The following NPEPPS variants were observed in gnomAD, a reference collection of about 807,000 sequenced individuals.
The protein encoded by NPEPPS is puromycin-sensitive aminopeptidase.
Under a neutral mutation model 115.5 loss-of-function variants are expected in NPEPPS, and 14 were observed. The observed-to-expected ratio is 0.12, with a 90% CI of 0.08 to 0.19. The LOEUF (loss-of-function observed/expected upper bound fraction) is 0.19. Ranked by LOEUF, NPEPPS falls within the 10% of genes least tolerant of loss-of-function variation. The pLI is 1.00. For missense variants in NPEPPS, 523 were observed against 1,110.8 expected, an observed-to-expected ratio of 0.47 and a Z score of 7.52; for synonymous variants, 285 against 390.6, an observed-to-expected ratio of 0.73 and a Z score of 3.19.
chr17:47,525,078 T>C (rs2055945208), intron 1 of NPEPPS, among the ~76,000 whole-genome samples: 1 of 151,926 alleles, frequency 6.6e-6, no homozygotes, highest in Non-Finnish European at 1.5e-5. Flanking sequence ...GAAATGAATT[T>C]CCAAGGGCCC....
At chr17:47,590,547 G>A (rs1443459218) in intron 9 of NPEPPS, among the ~76,000 whole-genome samples, 170 bp from the exon 10 acceptor site, 1 of 151,876 alleles carries the variant, frequency 6.6e-6, no homozygotes, top group Non-Finnish European at 1.5e-5. Context: ...ATCTCTTTTA[G>A]TCTTCTCTCT....
At chr17:47,577,937 G>C (rs1373945017) in intron 3 of NPEPPS, among the ~76,000 whole-genome samples, 2 of 152,166 alleles carry the variant, frequency 1.3e-5, no homozygotes, top group African/African-American at 4.8e-5. Flanking sequence ...CAGGCACAGT[G>C]GCTCATGCCT....
intron 3 of NPEPPS, among the ~76,000 whole-genome samples, chr17:47,576,664 A>G (rs2143825192): frequency 6.6e-6 from 1 of 152,296 alleles, no homozygotes; most frequent in South Asian, 2.1e-4. Flanking sequence ...AGCTTTAAAC[A>G]TTTAAGGTTT....
chr17:47,547,383 G>A (rs1390158330), intron 2 of NPEPPS, among the ~76,000 whole-genome samples: 1 of 150,458 alleles, frequency 6.6e-6, no homozygotes, highest in African/African-American at 2.4e-5. Flanking sequence ...GTCTCGCTCT[G>A]TCACCCAGGC....
intron 13 of NPEPPS, among the ~76,000 whole-genome samples, chr17:47,597,984 A>G (rs1912978316): frequency 6.6e-6 from 1 of 152,192 alleles, no homozygotes; most frequent in South Asian, 2.1e-4. Context: ...GAATACCTGT[A>G]AGTTTAGTGA....
intron 2 of NPEPPS, among the ~76,000 whole-genome samples, chr17:47,547,605 C>A (rs551606339): frequency 1.5e-4 from 23 of 152,240 alleles, no homozygotes; most frequent in African/African-American, 5.5e-4. Flanking sequence ...GGGATCTGAC[C>A]TCTTCGGCCT....
intron 2 of NPEPPS, among the ~76,000 whole-genome samples, chr17:47,556,846 G>C (rs1219110854): frequency 6.6e-6 from 1 of 152,208 alleles, no homozygotes; most frequent in Non-Finnish European, 1.5e-5. Context: ...GTTTCCCCAC[G>C]TTGGCCAGGC....
chr17:47,603,025 A>G (rs919230059), intron 15 of NPEPPS, among the ~76,000 whole-genome samples: 5 of 152,196 alleles, frequency 3.3e-5, no homozygotes, highest in Non-Finnish European at 7.3e-5. Flanking sequence ...TTTACATATA[A>G]ATAGTAAAAT....
chr17:47,596,460 C>G lies in NPEPPS; in HGVS notation c.1534C>G (p.Gln512Glu). The G allele has an allele frequency of 6.5e-7, 1 of 1,545,416 alleles. No individual in the cohort carries two copies. Among genetic ancestry groups the G allele is most frequent in the Non-Finnish European group, 8.8e-7 (1 of 1,132,536 alleles). Residue 512 changes from glutamine to glutamate, a missense_variant and splice_region_variant, in exon 13 of 23, where the codon CAG becomes GAG. Gln to Glu is a conservative substitution (Grantham distance 29). Around this residue, in one of 4 missense-constraint regions of NPEPPS, gnomAD observed 372 missense variants for 542.6 expected, o/e 0.69. Coordinates refer to ENST00000322157, the MANE Select transcript of NPEPPS (RefSeq NM_006310.4). ...TCCCCTCATTTATGTGGAAGCTGAA[C>G]AGGTAAACATATAAAGTCTTTCCAT... is the stretch of plus-strand genomic sequence containing the variant. ...GFPLIYVEAE[Q>E]VEDDRLLRLS...
rs1484957571 is a variant in NPEPPS at position 47,555,126 on chromosome 17, A to AT, written c.340+9136dup. Among the ~76,000 whole-genome samples the AT allele has an allele frequency of 2.0e-5, 3 of 152,212 alleles. No individual in the cohort carries two copies. In the East Asian group the frequency reaches 5.8e-4, roughly 29 times the overall value. On this transcript the variant is annotated intron_variant, in intron 2 of 22. Coordinates refer to ENST00000322157, the MANE Select transcript of NPEPPS (RefSeq NM_006310.4). ...TATTAACTTTATGGGTAACAAAATT[A>AT]TTTCGTATTTGAGATTATTTTGTTA...
At chr17:47,535,833 T>A (rs1370289569) in intron 1 of NPEPPS, among the ~76,000 whole-genome samples, 3 of 94,070 alleles carry the variant, frequency 3.2e-5, no homozygotes, top group Non-Finnish European at 6.9e-5. Flanking sequence ...TTGGGTATTC[T>A]TTTTTTTTTT....
chr17:47,552,922 A>G (rs1485648525), intron 2 of NPEPPS, among the ~76,000 whole-genome samples: 1 of 152,164 alleles, frequency 6.6e-6, no homozygotes, highest in African/African-American at 2.4e-5. Context: ...AGGTAATAAA[A>G]CTGATAAATG....
intron 17 of NPEPPS, among the ~76,000 whole-genome samples, chr17:47,606,780 TATTCTAAG>T (rs1913545613): frequency 6.6e-6 from 1 of 152,262 alleles, no homozygotes; most frequent in South Asian, 2.1e-4. Context: ...TGCCATATAC[TATTCTAAG>T]AGCTGGTGAA....
At chr17:47,613,535 G>C in intron 18 of NPEPPS, 134 bp from the exon 19 acceptor site, 2 of 667,826 alleles carry the variant, frequency 3.0e-6, no homozygotes, top group East Asian at 3.0e-5. Context: ...CCAAAGTGCA[G>C]GGATTACAGG....
At chr17:47,611,440 C>G (rs937941880) in intron 17 of NPEPPS, among the ~76,000 whole-genome samples, 1 of 142,554 alleles carries the variant, frequency 7.0e-6, no homozygotes, top group Non-Finnish European at 1.5e-5. Flanking sequence ...GCTTGGGCAA[C>G]AGAGCGAGAC....
chr17:47,592,753 T>C, intron 12 of NPEPPS: 1 of 478,604 alleles, frequency 2.1e-6, no homozygotes, highest in Non-Finnish European at 3.8e-6. Context: ...TTTTCTTTCC[T>C]TTCTTTCTTT....
intron 13 of NPEPPS, among the ~76,000 whole-genome samples, chr17:47,599,465 TA>T (rs1434130087): frequency 2.6e-5 from 4 of 152,226 alleles, no homozygotes; most frequent in African/African-American, 7.2e-5. Flanking sequence ...CACATGTACT[TA>T]CCATTGTTGC....
At chr17:47,607,995 C>G (rs563443828) in intron 17 of NPEPPS, among the ~76,000 whole-genome samples, 4 of 152,188 alleles carry the variant, frequency 2.6e-5, no homozygotes, top group African/African-American at 9.6e-5. Flanking sequence ...CAGGCATGCA[C>G]CATACCCAGC....
At chr17:47,547,904 T>C (rs2143720454) in intron 2 of NPEPPS, among the ~76,000 whole-genome samples, 1 of 152,184 alleles carries the variant, frequency 6.6e-6, no homozygotes, top group East Asian at 1.9e-4. Context: ...CGGGCGCCTG[T>C]GGTCCCAGCT....
Sources: gnomAD v4.1 joint callset for allele counts (sites outside exome capture counted in the v4.1 genomes callset) on GRCh38, gnomAD v4.1.1 for gene constraint, gnomAD v4.1.1 regional missense constraint, MANE v1.5 for transcripts, NCBI Gene and HGNC (gene_info 2026-07-23, HGNC 2026-07-21) for gene names.